IL1RAPL2: variants seen among roughly 807,000 people sequenced by gnomAD.
IL1RAPL2 encodes X-linked interleukin-1 receptor accessory protein-like 2.
Under a neutral mutation model 44.1 loss-of-function variants are expected in IL1RAPL2, and 3 were observed. The observed-to-expected ratio is 0.07, with a 90% CI of 0.03 to 0.18. IL1RAPL2 has a LOEUF of 0.18. Among genes scored for constraint, IL1RAPL2 ranks in the 10% least tolerant of loss-of-function variants. The probability of loss-of-function intolerance (pLI) is 1.00; values close to 1 mark genes in which losing one functional copy is unlikely to be tolerated. For synonymous variants in IL1RAPL2, 181 were observed against 178.8 expected (o/e 1.01, Z -0.10); for missense variants, 391 against 496.4 (o/e 0.79, Z 2.02).
At chrX:104,896,658 G>A (rs983921542) in intron 2 of IL1RAPL2, among the ~76,000 whole-genome samples, 2 of 111,830 alleles carry the variant, frequency 1.8e-5, no homozygotes, top group African/African-American at 6.5e-5. Context: ...GGATGTGGGT[G>A]GGGCCAGATA....
intron 2 of IL1RAPL2, among the ~76,000 whole-genome samples, chrX:104,906,714 G>T (rs1377996617): frequency 8.9e-6 from 1 of 111,741 alleles, no homozygotes; most frequent in Non-Finnish European, 1.9e-5. Flanking sequence ...TTGCCAGTAT[G>T]TTATTGAAGA....
chrX:104,608,346 G>A (rs1929065452), intron 1 of IL1RAPL2, among the ~76,000 whole-genome samples: 1 of 110,104 alleles, frequency 9.1e-6, no homozygotes, highest in Non-Finnish European at 1.9e-5. Flanking sequence ...ACTGCACGTT[G>A]TGTCTGCTTG....
intron 2 of IL1RAPL2, among the ~76,000 whole-genome samples, chrX:104,717,579 G>T (rs934163752): frequency 3.6e-5 from 4 of 109,905 alleles, no homozygotes; most frequent in African/African-American, 1.3e-4. Flanking sequence ...TGCCTGAGGA[G>T]GGGGGGCAGA....
At chrX:105,528,224 T>G (rs2036607285) in intron 6 of IL1RAPL2, among the ~76,000 whole-genome samples, 1 of 111,881 alleles carries the variant, frequency 8.9e-6, no homozygotes, top group Admixed American at 9.5e-5. Context: ...GTCAGTGTAC[T>G]TTTTTATCTG....
At chrX:104,687,052 A>G (rs1389510989) in intron 2 of IL1RAPL2, among the ~76,000 whole-genome samples, 1 of 112,259 alleles carries the variant, frequency 8.9e-6, no homozygotes, top group Non-Finnish European at 1.9e-5. Context: ...GCTCTAGAGC[A>G]GTGGGTAGAA....
At chrX:105,098,054 A>G (rs1233535787) in intron 2 of IL1RAPL2, among the ~76,000 whole-genome samples, 3 of 111,985 alleles carry the variant, frequency 2.7e-5, no homozygotes, top group Non-Finnish European at 5.6e-5. Context: ...TAAGAATGGA[A>G]CATAAACCTC....
At chrX:105,118,002 TA>T (rs2032879708) in intron 2 of IL1RAPL2, among the ~76,000 whole-genome samples, 1 of 111,597 alleles carries the variant, frequency 9.0e-6, no homozygotes, top group Admixed American at 9.4e-5. Flanking sequence ...AGAATAAAGA[TA>T]GAAATAAACT....
At chrX:105,713,362 G>A (rs749365090) in intron 6 of IL1RAPL2, among the ~76,000 whole-genome samples, 17 of 111,251 alleles carry the variant, frequency 1.5e-4, no homozygotes, top group Non-Finnish European at 2.6e-4. Flanking sequence ...TGAAATCTAG[G>A]CGGAGGGTCC....
chrX:105,390,580 A>C (rs2035514046), intron 5 of IL1RAPL2, among the ~76,000 whole-genome samples: 1 of 110,696 alleles, frequency 9.0e-6, no homozygotes, highest in Non-Finnish European at 1.9e-5. Flanking sequence ...AGTTAACTAT[A>C]TTGTTGGGCT....
intron 6 of IL1RAPL2, among the ~76,000 whole-genome samples, chrX:105,580,212 G>T (rs763066651): frequency 1.3e-3 from 149 of 111,206 alleles, no homozygotes; most frequent in Non-Finnish European, 2.5e-3. Context: ...GTGAAATCAG[G>T]CTCAAAGAAA....
At chrX:105,383,741 G>A (rs148257222) in intron 5 of IL1RAPL2, among the ~76,000 whole-genome samples, 1,269 of 112,028 alleles carry the variant, frequency 0.011, 5 homozygotes, top group Non-Finnish European at 0.018. Context: ...GTATAGAAGC[G>A]TTGCCCTTTC....
At chrX:105,600,476 C>T (rs1193234414) in intron 6 of IL1RAPL2, among the ~76,000 whole-genome samples, 2 of 108,656 alleles carry the variant, frequency 1.8e-5, no homozygotes, top group African/African-American at 6.7e-5. Flanking sequence ...CAAACGAATT[C>T]ATTATTTATT....
intron 2 of IL1RAPL2, among the ~76,000 whole-genome samples, chrX:105,069,379 G>T: frequency 8.9e-6 from 1 of 112,394 alleles, no homozygotes. Context: ...TATAAATCTG[G>T]CCTGAAGATA....
chrX:105,508,279 A>G (rs910002079), intron 6 of IL1RAPL2, among the ~76,000 whole-genome samples: 1 of 111,141 alleles, frequency 9.0e-6, no homozygotes, highest in Non-Finnish European at 1.9e-5. Context: ...ACTTCAGTCT[A>G]CTTACAAACC....
At chrX:104,585,329 A>T (rs1259580265) in intron 1 of IL1RAPL2, among the ~76,000 whole-genome samples, 8 of 11,538 alleles carry the variant, frequency 6.9e-4, no homozygotes, top group African/African-American at 5.2e-3. Context: ...ATTATATATA[A>T]TATATATTAT....
intron 3 of IL1RAPL2, chrX:105,218,924 C>G (rs782283202): frequency 9.3e-7 from 1 of 1,076,188 alleles, no homozygotes; most frequent in South Asian, 2.0e-5. Context: ...AATTCGCCAT[C>G]GAGATATACA....
At chrX:105,534,136 C>T (rs977077733) in intron 6 of IL1RAPL2, among the ~76,000 whole-genome samples, 3 of 112,122 alleles carry the variant, frequency 2.7e-5, no homozygotes, top group African/African-American at 9.7e-5. Flanking sequence ...TCAGCTATTT[C>T]AGTGGCGTGC....
chrX:104,587,636 A>G (rs963469158), intron 1 of IL1RAPL2, among the ~76,000 whole-genome samples: 5 of 112,451 alleles, frequency 4.4e-5, no homozygotes, highest in African/African-American at 1.6e-4. Flanking sequence ...CATACCACAC[A>G]GGTAATGCTG....
At chrX:105,133,323 T>A (rs184221380) in intron 2 of IL1RAPL2, among the ~76,000 whole-genome samples, 1 of 112,100 alleles carries the variant, frequency 8.9e-6, no homozygotes. Flanking sequence ...CTTTTCCCTC[T>A]TCATTTCTAA....
Sources: gnomAD v4.1 joint callset for allele counts (sites outside exome capture counted in the v4.1 genomes callset) on GRCh38, gnomAD v4.1.1 for gene constraint, MANE v1.5 for transcripts, NCBI Gene and HGNC (gene_info 2026-07-23, HGNC 2026-07-21) for gene names.